GDNF: variants seen among roughly 807,000 people sequenced by gnomAD.
GDNF encodes the protein glial cell derived neurotrophic factor, also known as glial cell line-derived neurotrophic factor.
In GDNF, 5 loss-of-function variants were observed where a neutral mutation model predicts 13.7. The ratio of observed to expected loss-of-function variants is 0.36; its 90% CI spans 0.19 to 0.77. The LOEUF is 0.77. Ranked by LOEUF, GDNF falls within the 30% of genes least tolerant of loss-of-function variation. The pLI, the probability that GDNF is intolerant of heterozygous loss-of-function variation, is 0.51. For missense variants in GDNF, 246 were observed against 274.3 expected, an observed-to-expected ratio of 0.90 and a Z score of 0.73; for synonymous variants, 122 against 112.5, an observed-to-expected ratio of 1.08 and a Z score of -0.53.
Position 37,837,489 on chromosome 5 carries a change from A to G in GDNF, c.-27+2018T>C, listed in dbSNP as rs1581594428. Among the ~76,000 whole-genome samples the G allele has an allele frequency of 6.6e-6, 1 of 152,064 alleles. No homozygotes were observed. Among genetic ancestry groups the G allele is most frequent in the African/African-American group, 2.4e-5 (1 of 41,416 alleles). On this transcript the variant is annotated intron_variant, in intron 1 of 2. Transcript: ENST00000326524. This position sits in a 1 kb window ranked among gnomAD's most constrained non-coding sequence, Gnocchi z 6.5. ...GGTCCCCAGGCCTGGGGAGGCAAGG[A>G]CGCCCAGGAAAGCCACAGAAGTGCT...
chr5:37,829,707 T>C (rs576910658), intron 2 of GDNF, among the ~76,000 whole-genome samples: 181 of 152,348 alleles, frequency 1.2e-3, no homozygotes, highest in African/African-American at 4.1e-3. Flanking sequence ...GCTTTAATTT[T>C]TATATCTGTT....
chr5:37,834,617 C>G (rs1026703487), intron 2 of GDNF, 29 bp downstream of exon 2: 24 of 1,438,690 alleles, frequency 1.7e-5, no homozygotes, highest in Non-Finnish European at 2.1e-5. Flanking sequence ...CCGCCGGCGG[C>G]CCCCCCGCGG....
intron 2 of GDNF, among the ~76,000 whole-genome samples, chr5:37,825,046 A>C (rs1205281324): frequency 6.6e-6 from 1 of 152,240 alleles, no homozygotes; most frequent in African/African-American, 2.4e-5. Flanking sequence ...TAGAAAAAGA[A>C]GCTATGGGTG....
chr5:37,816,019 C>T lies in GDNF; in HGVS notation c.268G>A (p.Glu90Lys), dbSNP rs762631054. Residue 90 changes from glutamate to lysine, a missense_variant, in exon 3 of 3, where the codon GAG becomes AAG. Glu to Lys is a moderately conservative substitution (Grantham distance 56). Coordinates refer to ENST00000326524, the MANE Select transcript of GDNF (RefSeq NM_000514.4). ...DKQMAVLPRR[E>K]RNRQAAAANP... ...GCAGCTGCAGCCTGCCGATTCCGCT[C>T]TCTTCTAGGAAGCACTGCCATTTGT... 2 of 1,613,888 alleles carry T rather than the reference C, an allele frequency of 1.2e-6. No homozygotes were observed. Among genetic ancestry groups the T allele is most frequent in the Non-Finnish European group, 1.7e-6 (2 of 1,179,764 alleles).
intron 1 of GDNF, among the ~76,000 whole-genome samples, chr5:37,836,659 C>A (rs1049379253): frequency 6.6e-6 from 1 of 152,230 alleles, no homozygotes; most frequent in Non-Finnish European, 1.5e-5. Flanking sequence ...GAGCTTCCCC[C>A]CTCAAGCCCC....
At chr5:37,823,276 C>CA (rs1405864523) in intron 2 of GDNF, 2 of 152,198 alleles carry the variant, frequency 1.3e-5, no homozygotes, top group African/African-American at 4.8e-5. Flanking sequence ...ACTCTACTAC[C>CA]ACTGAGCTCT....
At chr5:37,819,166 C>T (rs1750034849) in intron 2 of GDNF, among the ~76,000 whole-genome samples, 1 of 152,150 alleles carries the variant, frequency 6.6e-6, no homozygotes, top group African/African-American at 2.4e-5. Context: ...CTTAATTTTT[C>T]AAGGGGACTC....
chr5:37,837,968 G>C lies in GDNF; in HGVS notation c.-27+1539C>G, dbSNP rs76568852. ...AGAGAGAAAAAGGAGGCGGTGGGGC[G>C]GGGAGACGGGTTTGCTATAAACTCG... On this transcript the variant is annotated intron_variant, in intron 1 of 2. Coordinates refer to ENST00000326524, the MANE Select transcript of GDNF (RefSeq NM_000514.4). The surrounding 1 kb of genome is among the most constrained non-coding windows in gnomAD (Gnocchi z 6.5). Among the ~76,000 whole-genome samples, 2 of 151,912 alleles carry C rather than the reference G, an allele frequency of 1.3e-5. No individual in the cohort carries two copies. The highest frequency in any genetic ancestry group is 6.6e-5 in the Admixed American group (1 of 15,256).
At chr5:37,834,976 G>C in intron 1 of GDNF, 154 bp from the exon 2 acceptor site, 1 of 659,876 alleles carries the variant, frequency 1.5e-6, no homozygotes, top group Non-Finnish European at 2.6e-6. Flanking sequence ...TGCCCTCCTT[G>C]CAAGTCCCCA....
At position 37,835,655 on chromosome 5, in the gene GDNF, G is replaced by A. The variant is rs548654413; in HGVS notation, c.-26-833C>T. The A allele has an allele frequency of 2.7e-5, 42 of 1,550,286 alleles. 1 individual carries two copies. The South Asian group carries it at 4.8e-4, about 18-fold the overall frequency. On this transcript the variant is annotated intron_variant, in intron 1 of 2. Coordinates refer to ENST00000326524, the MANE Select transcript of GDNF (RefSeq NM_000514.4). ...TTACCATTGCTGTTAGGCAAAGACT[G>A]CATTTGTCTTGAAAGTTTTAATCCT...
chr5:37,835,569 GA>G, intron 1 of GDNF: 1 of 1,479,276 alleles, frequency 6.8e-7, no homozygotes, highest in Non-Finnish European at 9.2e-7. Context: ...TTAAAGTTAT[GA>G]ACATTAAATC....
At chr5:37,816,442 T>C (rs772169513) in intron 2 of GDNF, among the ~76,000 whole-genome samples, 1 of 152,256 alleles carries the variant, frequency 6.6e-6, no homozygotes, top group Non-Finnish European at 1.5e-5. Flanking sequence ...CAGAGCTTGC[T>C]GTGAGCTGGC....
Position 37,837,392 on chromosome 5 carries a change from T to G in GDNF, c.-27+2115A>C, listed in dbSNP as rs1010147176. Among the ~76,000 whole-genome samples, 5 of 151,768 alleles carry G rather than the reference T, an allele frequency of 3.3e-5. No homozygotes were observed. The highest frequency in any genetic ancestry group is 7.4e-5 in the Non-Finnish European group (5 of 67,932). ...CCATTTCTCGTGCCTGGCAAGCTGG[T>G]CCCCTTCTGGGTCCGGGACCACCAC... On this transcript the variant is annotated intron_variant, in intron 1 of 2. Coordinates refer to ENST00000326524, the MANE Select transcript of GDNF (RefSeq NM_000514.4). This position sits in a 1 kb window ranked among gnomAD's most constrained non-coding sequence, Gnocchi z 6.5.
chr5:37,832,347 T>C (rs760703678), intron 2 of GDNF, among the ~76,000 whole-genome samples: 12 of 152,236 alleles, frequency 7.9e-5, no homozygotes, highest in Non-Finnish European at 1.8e-4. Flanking sequence ...CAGAGGCGTG[T>C]TGACACTGGT....
rs1749821142 is a variant in GDNF at position 37,814,052 on chromosome 5, T to G, written c.*1599A>C. The G allele has an allele frequency of 6.6e-6, 1 of 152,548 alleles. No individual in the cohort carries two copies. Among genetic ancestry groups the G allele is most frequent in the Non-Finnish European group, 1.5e-5 (1 of 68,052 alleles). 9.4% of individuals were successfully genotyped at this position (152,548 alleles called of 1,614,324 possible). ...GACAGCCCAGGGGTTGTACAGGACC[T>G]GGTAGACCCTACCTCTGGAAGGCCC... On this transcript the variant is annotated 3_prime_UTR_variant, in exon 3 of 3. Transcript: ENST00000326524.
At chr5:37,824,758 C>A (rs1440904518) in intron 2 of GDNF, among the ~76,000 whole-genome samples, 1 of 152,174 alleles carries the variant, frequency 6.6e-6, no homozygotes, top group Non-Finnish European at 1.5e-5. Context: ...TGATCATAGG[C>A]TGCTGTTGGG....
At chr5:37,834,874 C>T in intron 1 of GDNF, 52 bp from the exon 2 acceptor site, 2 of 1,529,476 alleles carry the variant, frequency 1.3e-6, no homozygotes, top group South Asian at 2.3e-5. Context: ...GCACGTTAAG[C>T]CTGGGCTCCC....
chr5:37,819,247 A>G (rs2111646908), intron 2 of GDNF, among the ~76,000 whole-genome samples: 1 of 152,208 alleles, frequency 6.6e-6, no homozygotes, highest in South Asian at 2.1e-4. Flanking sequence ...CATTACTCAG[A>G]AAAGCCACTC....
intron 2 of GDNF, chr5:37,823,238 CTTG>C (rs1400991407): frequency 6.6e-6 from 1 of 152,216 alleles, no homozygotes; most frequent in African/African-American, 2.4e-5. Context: ...AAAGCTCAAA[CTTG>C]TTGTCTTTTT....
Sources: allele counts gnomAD v4.1 joint callset (sites outside exome capture counted in the v4.1 genomes callset), GRCh38; gene constraint gnomAD v4.1.1; non-coding constraint Gnocchi (gnomAD v3.1); transcripts MANE v1.5; gene names NCBI Gene and HGNC (gene_info 2026-07-23, HGNC 2026-07-21).